MAP3K15: variants seen among roughly 807,000 people sequenced by gnomAD.
The protein encoded by MAP3K15 is MAPK/ERK kinase kinase 15.
A neutral mutation model predicts 99.5 loss-of-function variants in MAP3K15; 124 were observed. The observed-to-expected ratio is 1.25, with a 90% CI of 1.08 to 1.45. MAP3K15 has a LOEUF of 1.45. Among genes scored for constraint, MAP3K15 ranks in the 40% most tolerant of loss-of-function variants. The pLI, the probability that MAP3K15 is intolerant of heterozygous loss-of-function variation, is 0.00. For missense variants in MAP3K15, 1,242 were observed against 1,079.7 expected, an observed-to-expected ratio of 1.15 and a Z score of -2.11; for synonymous variants, 494 against 439.6, an observed-to-expected ratio of 1.12 and a Z score of -1.55.
chrX:19,464,465 G>T, intron 3 of MAP3K15, 59 bp from the exon 4 acceptor site: 1 of 945,901 alleles, frequency 1.1e-6, no homozygotes, highest in Non-Finnish European at 1.4e-6. Context: ...GTAGGCTCTG[G>T]GCAGGTGGCG....
intron 9 of MAP3K15, among the ~76,000 whole-genome samples, chrX:19,424,259 T>C (rs12392668): frequency 1.5e-3 from 129 of 88,787 alleles, no homozygotes; most frequent in Middle Eastern, 0.012. Context: ...TATATACACA[T>C]ATATATACAC....
At chrX:19,373,230 T>C (rs868730527) in intron 21 of MAP3K15, 10 of 128,073 alleles carry the variant, frequency 7.8e-5, no homozygotes, top group Non-Finnish European at 1.2e-4. Flanking sequence ...GGGGCAAGGG[T>C]GAGGGGGAGA....
chrX:19,501,892 C>T (rs5955801), intron 1 of MAP3K15, among the ~76,000 whole-genome samples: 25,465 of 110,152 alleles, frequency 0.23, 2,796 homozygotes, highest in African/African-American at 0.42. Context: ...ATGGTGAAAC[C>T]CCATCTCTAC....
Position 19,384,748 on chromosome X carries a change from GGAAA to G in MAP3K15, c.2432-4475_2432-4472del, listed in dbSNP as rs1310598498. Among the ~76,000 whole-genome samples the G allele has an allele frequency of 2.1e-3, 120 of 56,453 alleles. 5 individuals are homozygous for G. The highest frequency in any genetic ancestry group is 8.0e-3 in the African/African-American group (114 of 14,294). 49.0% of individuals were successfully genotyped at this position (56,453 alleles called of 115,157 possible). A position where few individuals can be genotyped will look rare whatever the true frequency, so the allele number is the denominator to read the frequency against. ...GATGGGAGTGAGACCTTGTCTCAGG[GGAAA>G]AAAAAAAAAAAAAAAAAAAAAAAAA... On this transcript the variant is annotated intron_variant, in intron 18 of 28. Transcript: ENST00000338883.
intron 3 of MAP3K15, among the ~76,000 whole-genome samples, chrX:19,472,360 T>C (rs2064214265): frequency 9.0e-6 from 1 of 111,632 alleles, no homozygotes; most frequent in Non-Finnish European, 1.9e-5. Flanking sequence ...AAGGTAGTTA[T>C]GCATGCAATT....
intron 18 of MAP3K15, among the ~76,000 whole-genome samples, chrX:19,386,173 T>C (rs933186361): frequency 2.6e-4 from 29 of 111,651 alleles, no homozygotes; most frequent in African/African-American, 8.8e-4. Flanking sequence ...CTGGCTCTCA[T>C]AGGCCAGGCA....
At chrX:19,409,554 A>G (rs908206430) in intron 12 of MAP3K15, among the ~76,000 whole-genome samples, 1 of 111,541 alleles carries the variant, frequency 9.0e-6, no homozygotes, top group African/African-American at 3.3e-5. Context: ...ACAAGACCCC[A>G]ACCCGAGTGT....
intron 7 of MAP3K15, among the ~76,000 whole-genome samples, chrX:19,431,219 A>T (rs771208911): frequency 1.1e-4 from 12 of 111,683 alleles, no homozygotes; most frequent in Non-Finnish European, 2.1e-4. Flanking sequence ...GCCCATAAAC[A>T]AGTGTACCTG....
intron 2 of MAP3K15, among the ~76,000 whole-genome samples, chrX:19,487,103 C>T (rs1489975136): frequency 1.2e-5 from 1 of 85,718 alleles, no homozygotes; most frequent in Non-Finnish European, 2.1e-5. Flanking sequence ...TTGACTGTCT[C>T]ATTTACGCAC....
intron 18 of MAP3K15, among the ~76,000 whole-genome samples, chrX:19,386,725 GAC>G (rs2063495884): frequency 1.8e-5 from 2 of 111,552 alleles, no homozygotes; most frequent in Non-Finnish European, 3.8e-5. Flanking sequence ...CAGCAAAGAA[GAC>G]ACACAGCAGA....
intron 22 of MAP3K15, 96 bp downstream of exon 22, chrX:19,372,557 G>T: frequency 1.2e-6 from 1 of 800,644 alleles, no homozygotes; most frequent in Non-Finnish European, 1.8e-6. Context: ...AGATGTTCCA[G>T]GGCGGCAGGA....
At chrX:19,434,400 T>A (rs375212543) in intron 6 of MAP3K15, among the ~76,000 whole-genome samples, 2 of 79,681 alleles carry the variant, frequency 2.5e-5, no homozygotes, top group African/African-American at 1.8e-4. Context: ...AATTTTTTAA[T>A]TTTTTTTTTT....
intron 25 of MAP3K15, among the ~76,000 whole-genome samples, chrX:19,364,127 C>T (rs765792958): frequency 2.9e-4 from 32 of 112,260 alleles, no homozygotes; most frequent in South Asian, 1.8e-3. Context: ...TTCTAGGAAG[C>T]ACTGGTTGTT....
At chrX:19,432,842 A>G (rs2063894321) in intron 6 of MAP3K15, among the ~76,000 whole-genome samples, 1 of 108,799 alleles carries the variant, frequency 9.2e-6, no homozygotes, top group South Asian at 4.1e-4. Context: ...CAGCCTTCCA[A>G]CGTAGCTGGG....
intron 18 of MAP3K15, among the ~76,000 whole-genome samples, chrX:19,390,510 A>G (rs1303870588): frequency 9.7e-6 from 1 of 103,332 alleles, no homozygotes; most frequent in East Asian, 2.9e-4. Flanking sequence ...TACATATATT[A>G]TATATAATCA....
At chrX:19,403,625 AT>A (rs111526644) in intron 13 of MAP3K15, among the ~76,000 whole-genome samples, 23,253 of 94,796 alleles carry the variant, frequency 0.25, 6,369 homozygotes, top group African/African-American at 0.76. Context: ...TGCTGAGCTA[AT>A]TTTTTTTTTT....
At chrX:19,441,144 A>G (rs1458417050) in intron 6 of MAP3K15, among the ~76,000 whole-genome samples, 1 of 112,252 alleles carries the variant, frequency 8.9e-6, no homozygotes. Flanking sequence ...CCAGACACAC[A>G]CAAAACACAT....
chrX:19,452,863 G>A (rs1219285747), intron 6 of MAP3K15, among the ~76,000 whole-genome samples: 1 of 108,668 alleles, frequency 9.2e-6, no homozygotes, highest in Non-Finnish European at 1.9e-5. Flanking sequence ...TTTTTTTTTA[G>A]CTCATCAGCA....
chrX:19,437,362 T>C (rs2063929197), intron 6 of MAP3K15, among the ~76,000 whole-genome samples: 1 of 111,722 alleles, frequency 9.0e-6, no homozygotes, highest in Non-Finnish European at 1.9e-5. Context: ...TTTCTTCCAA[T>C]GGCCTGTAAG....
Sources: allele counts gnomAD v4.1 joint callset (sites outside exome capture counted in the v4.1 genomes callset), GRCh38; gene constraint gnomAD v4.1.1; transcripts MANE v1.5; gene names NCBI Gene and HGNC (gene_info 2026-07-23, HGNC 2026-07-21).